Variants in TRABD2B observed in about 807,000 individuals in gnomAD.
TRABD2B encodes the protein metalloprotease TIKI2.
In TRABD2B, 14 loss-of-function variants were observed where a neutral mutation model predicts 40.1. The observed-to-expected ratio is 0.35, with a 90% CI of 0.23 to 0.55. TRABD2B has a LOEUF of 0.55. Ranked by LOEUF, TRABD2B falls within the 20% of genes least tolerant of loss-of-function variation. TRABD2B has a pLI of 0.90. For missense variants in TRABD2B, 541 were observed against 648.6 expected (o/e 0.83, Z 1.80); for synonymous variants, 263 against 277.0 (o/e 0.95, Z 0.50).
Position 47,765,662 on chromosome 1 carries a change from T to C in TRABD2B, c.*240A>G, listed in dbSNP as rs1047629546. ...TTTATCGGTAGAATAAATACATTTT[T>C]CTTTTTTAATATGGACACGTATTTT... is the stretch of plus-strand genomic sequence containing the variant. On this transcript the variant is annotated 3_prime_UTR_variant, in exon 7 of 7. Coordinates refer to ENST00000606738, the MANE Select transcript of TRABD2B (RefSeq NM_001194986.2). The C allele has an allele frequency of 1.7e-6, 1 of 590,032 alleles. No individual in the cohort carries two copies. Among genetic ancestry groups the C allele is most frequent in the Non-Finnish European group, 3.0e-6 (1 of 331,558 alleles). The allele number at this position is 590,032 out of a possible 1,614,324, so 36.5% of individuals were successfully genotyped here. A position where few individuals can be genotyped will look rare whatever the true frequency, so the allele number is the denominator to read the frequency against.
At chr1:47,769,843 C>A (rs1377974360) in intron 6 of TRABD2B, among the ~76,000 whole-genome samples, 3 of 152,208 alleles carry the variant, frequency 2.0e-5, no homozygotes, top group Admixed American at 2.0e-4. Flanking sequence ...TTGGCAAGTG[C>A]TATCCTCTAG....
intron 2 of TRABD2B, among the ~76,000 whole-genome samples, chr1:47,956,492 G>A (rs1335954352): frequency 3.9e-5 from 6 of 152,168 alleles, no homozygotes; most frequent in East Asian, 1.9e-4. Context: ...CTGCAAAATC[G>A]GGTCACTCCT....
At chr1:47,835,627 A>T (rs1645308450) in intron 2 of TRABD2B, among the ~76,000 whole-genome samples, 1 of 152,236 alleles carries the variant, frequency 6.6e-6, no homozygotes, top group Non-Finnish European at 1.5e-5. Context: ...AAAAAGTGCT[A>T]AAAGGAAAAG....
At position 47,794,687 on chromosome 1, in the gene TRABD2B, C is replaced by A; in HGVS notation, c.887G>T (p.Arg296Leu). ...ATTCCTCTTGTAGATGAGCTCCTGG[C>A]GGAAGTAGCTGTCAATCTCCTGGGC... ...VTAQEIDSYF[R>L]QELIYKRNER... Residue 296 changes from arginine (R) to leucine (L), a missense_variant, in exon 4 of 7, where the codon CGC becomes CTC. By Grantham distance (102) the Arg-to-Leu change is moderately radical. Transcript: ENST00000606738. The A allele has an allele frequency of 2.0e-6, 3 of 1,535,878 alleles. No individual in the cohort carries two copies. The highest frequency in any genetic ancestry group is 2.6e-6 in the Non-Finnish European group (3 of 1,146,620).
intron 2 of TRABD2B, among the ~76,000 whole-genome samples, chr1:47,811,648 G>A (rs1644966695): frequency 6.6e-6 from 1 of 152,186 alleles, no homozygotes; most frequent in African/African-American, 2.4e-5. Flanking sequence ...CCAGAGGCTT[G>A]GGGTCTCCAG....
chr1:47,953,396 C>A (rs1289501941), intron 2 of TRABD2B, among the ~76,000 whole-genome samples: 1 of 152,210 alleles, frequency 6.6e-6, no homozygotes, highest in Non-Finnish European at 1.5e-5. Flanking sequence ...GCATCCAAGA[C>A]ACAGTTTTGC....
At chr1:47,947,338 T>C (rs906797314) in intron 2 of TRABD2B, among the ~76,000 whole-genome samples, 4 of 152,128 alleles carry the variant, frequency 2.6e-5, no homozygotes, top group Non-Finnish European at 5.9e-5. Flanking sequence ...GAAATTAAGA[T>C]TCAGAAAGGC....
intron 2 of TRABD2B, among the ~76,000 whole-genome samples, chr1:47,815,706 A>G (rs1421604755): frequency 6.6e-6 from 1 of 152,070 alleles, no homozygotes; most frequent in African/African-American, 2.4e-5. Context: ...GCTTCTTTCA[A>G]CCTGGAGTGT....
intron 2 of TRABD2B, among the ~76,000 whole-genome samples, chr1:47,857,992 C>A (rs916384951): frequency 6.8e-6 from 1 of 147,446 alleles, no homozygotes; most frequent in African/African-American, 2.5e-5. Flanking sequence ...GATAGAGATC[C>A]CATTTGCATA....
intron 2 of TRABD2B, chr1:47,819,947 C>T (rs1329160258): frequency 2.6e-5 from 4 of 152,188 alleles, no homozygotes; most frequent in Non-Finnish European, 4.4e-5. Context: ...ATCTGCCCCA[C>T]TTGCCCTCAC....
rs1013874405 is a variant in TRABD2B, at chr1:47,770,433, C to T, written c.1350-4327G>A. Among the ~76,000 whole-genome samples the T allele has an allele frequency of 5.9e-5, 9 of 152,346 alleles. No homozygotes were observed. In the South Asian group the frequency reaches 6.2e-4, roughly 11 times the overall value. ...GTCTTCTGTGCTGGGAATGCCTTCACGCTTTGCTCAGCCTCACTGGGCCAT... is the reference window on the plus strand; with the variant it reads ...GTCTTCTGTGCTGGGAATGCCTTCATGCTTTGCTCAGCCTCACTGGGCCAT... On this transcript the variant is annotated intron_variant, in intron 6 of 6. Transcript: ENST00000606738.
intron 2 of TRABD2B, among the ~76,000 whole-genome samples, chr1:47,812,798 G>A (rs185964009): frequency 2.6e-5 from 4 of 152,288 alleles, no homozygotes; most frequent in Admixed American, 1.3e-4. Flanking sequence ...GTTTAAAGAC[G>A]AGCCAGCAGT....
chr1:47,876,949 A>G (rs1231396862), intron 2 of TRABD2B, among the ~76,000 whole-genome samples: 1 of 152,208 alleles, frequency 6.6e-6, no homozygotes, highest in African/African-American at 2.4e-5. Context: ...CTGCAGATCT[A>G]TAATAGTAGC....
intron 2 of TRABD2B, among the ~76,000 whole-genome samples, chr1:47,850,232 G>A (rs1645529621): frequency 1.3e-5 from 2 of 152,190 alleles, no homozygotes; most frequent in African/African-American, 4.8e-5. Context: ...GCCAGGACAG[G>A]GGCAAAGGCC....
At position 47,764,997 on chromosome 1, in the gene TRABD2B, C is replaced by T. The variant is rs924360717; in HGVS notation, c.*905G>A. ...TATTAACATCATGTGAGGCCTAAGC[C>T]CCTGTCTCTAAAACTGCCCTCCTGT... is the stretch of plus-strand genomic sequence containing the variant. On this transcript the variant is annotated 3_prime_UTR_variant, in exon 7 of 7. Transcript: ENST00000606738. 1.3e-5 allele frequency: 2 copies of T among 152,164 alleles called. No individual in the cohort carries two copies. The highest frequency in any genetic ancestry group is 2.4e-5 in the African/African-American group (1 of 41,442). The allele number at this position is 152,164 out of a possible 1,614,324, so 9.4% of individuals were successfully genotyped here.
At chr1:47,805,529 C>G (rs1644880040) in intron 2 of TRABD2B, among the ~76,000 whole-genome samples, 1 of 152,062 alleles carries the variant, frequency 6.6e-6, no homozygotes, top group South Asian at 2.1e-4. Context: ...CTGAATTGTC[C>G]CTGTTCTCTG....
At chr1:47,920,956 G>C (rs954276446) in intron 2 of TRABD2B, among the ~76,000 whole-genome samples, 3 of 152,152 alleles carry the variant, frequency 2.0e-5, no homozygotes, top group Admixed American at 2.0e-4. Context: ...GACTCCTCTC[G>C]GACTATAGTG....
chr1:47,891,304 C>T (rs1644441842), intron 2 of TRABD2B, among the ~76,000 whole-genome samples: 1 of 152,154 alleles, frequency 6.6e-6, no homozygotes, highest in East Asian at 1.9e-4. Context: ...CACAAATATA[C>T]ACGCCATGTA....
intron 2 of TRABD2B, among the ~76,000 whole-genome samples, chr1:47,973,386 C>T (rs1305179204): frequency 2.6e-5 from 4 of 152,204 alleles, no homozygotes; most frequent in African/African-American, 9.7e-5. Flanking sequence ...AGAAACAGGG[C>T]ATTATTCTAA....
Sources: allele counts gnomAD v4.1 joint callset (sites outside exome capture counted in the v4.1 genomes callset), GRCh38; gene constraint gnomAD v4.1.1; transcripts MANE v1.5; gene names NCBI Gene and HGNC (gene_info 2026-07-23, HGNC 2026-07-21).